TENM1: variants seen among roughly 807,000 people sequenced by gnomAD.
The protein encoded by TENM1 is teneurin transmembrane protein 1.
In TENM1, 35 loss-of-function variants were observed where a neutral mutation model predicts 174.8. The observed-to-expected ratio is 0.20, with a 90% CI of 0.15 to 0.27. The LOEUF is 0.27. TENM1 is among the 10% of genes least tolerant of loss of function. TENM1 has a pLI of 1.00. For missense variants in TENM1, 1,633 were observed against 2,130.1 expected (o/e 0.77, Z 4.59); for synonymous variants, 781 against 798.7 (o/e 0.98, Z 0.37).
intron 11 of TENM1, among the ~76,000 whole-genome samples, chrX:124,576,208 C>T (rs1251523891): frequency 9.0e-6 from 1 of 111,163 alleles, no homozygotes; most frequent in East Asian, 2.8e-4. Context: ...TACAGGTACA[C>T]ACCACCATAC....
intron 22 of TENM1, among the ~76,000 whole-genome samples, chrX:124,461,716 C>T (rs775919216): frequency 9.9e-5 from 11 of 111,036 alleles, no homozygotes; most frequent in East Asian, 5.7e-4. Flanking sequence ...TAGTCGTTAC[C>T]GGAGGCTGGG....
intron 18 of TENM1, among the ~76,000 whole-genome samples, chrX:124,513,192 A>G (rs979971759): frequency 2.7e-5 from 3 of 111,907 alleles, no homozygotes; most frequent in African/African-American, 9.7e-5. Context: ...CAGAGGCTCT[A>G]AGGGAAAATC....
At chrX:124,939,402 C>T (rs1603284543) in intron 1 of TENM1, among the ~76,000 whole-genome samples, 1 of 111,595 alleles carries the variant, frequency 9.0e-6, no homozygotes, top group East Asian at 2.8e-4. Flanking sequence ...CATGTTTCTA[C>T]TTGACCTATC....
chrX:124,693,537 T>G (rs1355222144), intron 5 of TENM1, among the ~76,000 whole-genome samples: 1 of 111,555 alleles, frequency 9.0e-6, no homozygotes, highest in Non-Finnish European at 1.9e-5. Context: ...CTTTTCTCCC[T>G]TCGTCATCAG....
intron 11 of TENM1, among the ~76,000 whole-genome samples, chrX:124,620,834 C>G (rs1051817914): frequency 6.2e-5 from 7 of 112,035 alleles, no homozygotes; most frequent in Non-Finnish European, 1.1e-4. Context: ...TTCGTCTTAT[C>G]TTATGGAAAT....
the TENM1 span, among the ~76,000 whole-genome samples, chrX:125,160,566 A>ATAG: frequency 1.9e-5 from 2 of 105,549 alleles, no homozygotes; most frequent in African/African-American, 6.9e-5. Flanking sequence ...AAAAAAAAAA[A>ATAG]AAACAGAGAG....
rs143608574 is a variant in TENM1 at position 124,672,331 on chromosome X, T to C, written c.1016-496A>G. ...GATAGTTGCTGCCGGTGTTAAAATG[T>C]AGATGCTTATTAGGGTGGGATTTGG... On this transcript the variant is annotated intron_variant, in intron 5 of 31. Coordinates refer to ENST00000422452, the Ensembl canonical transcript of TENM1. Among the ~76,000 whole-genome samples the C allele has an allele frequency of 1.6e-4, 18 of 111,563 alleles. No individual in the cohort carries two copies. The East Asian group carries it at 5.1e-3, about 31-fold the overall frequency.
At chrX:124,404,090 C>G (rs1303205200) in intron 27 of TENM1, among the ~76,000 whole-genome samples, 3 of 111,552 alleles carry the variant, frequency 2.7e-5, no homozygotes, top group African/African-American at 9.8e-5. Context: ...AGTAACTTGC[C>G]TTACTGATAA....
Position 124,732,970 on chromosome X carries a change from C to G in TENM1, c.776+3987G>C, listed in dbSNP as rs186033211. 3.7e-3 allele frequency among the ~76,000 whole-genome samples: 418 copies of G among 111,693 alleles called. 3 individuals are homozygous for G. The highest frequency in any genetic ancestry group is 4.0e-3 in the Non-Finnish European group (210 of 53,150). ...CACTGAAAAGATGTTCTCAATTACT[C>G]GAGGCAACCTGAATGTCTCTGGCTT... On this transcript the variant is annotated intron_variant, in intron 4 of 31. Coordinates refer to ENST00000422452, the Ensembl canonical transcript of TENM1.
intron 3 of TENM1, among the ~76,000 whole-genome samples, chrX:124,805,229 A>C (rs2055562700): frequency 8.9e-6 from 1 of 112,350 alleles, no homozygotes; most frequent in Admixed American, 9.4e-5. Context: ...AAAACAGATA[A>C]GGTGAGAAGA....
At chrX:124,756,973 G>T (rs1226485431) in intron 3 of TENM1, among the ~76,000 whole-genome samples, 1 of 111,719 alleles carries the variant, frequency 9.0e-6, no homozygotes, top group Non-Finnish European at 1.9e-5. Context: ...CAGTCTGCCC[G>T]TTCTCAGATC....
rs777796254 is a variant in TENM1, at chrX:124,700,122, T to G, written c.1015+4891A>C. Among the ~76,000 whole-genome samples, 4 of 112,046 alleles carry G rather than the reference T, an allele frequency of 3.6e-5. No individual in the cohort carries two copies. In the South Asian group the frequency reaches 1.5e-3, roughly 41 times the overall value. ...TAATGCATTTTAATGAAAACGTGTTTCAACCTAGATATGGCCTTCAGATAA... is the reference window on the plus strand; with the variant it reads ...TAATGCATTTTAATGAAAACGTGTTGCAACCTAGATATGGCCTTCAGATAA... On this transcript the variant is annotated intron_variant, in intron 5 of 31. Transcript: ENST00000422452.
At chrX:124,517,711 C>T (rs911124009) in intron 18 of TENM1, among the ~76,000 whole-genome samples, 12 of 107,553 alleles carry the variant, frequency 1.1e-4, no homozygotes, top group African/African-American at 4.1e-4. Flanking sequence ...AAACCTAATG[C>T]ATATGACGAG....
intron 8 of TENM1, among the ~76,000 whole-genome samples, chrX:124,648,008 T>G (rs933038611): frequency 9.0e-6 from 1 of 111,551 alleles, no homozygotes; most frequent in South Asian, 3.7e-4. Context: ...GAATTTATAA[T>G]GAGGGTCGAG....
the TENM1 span, among the ~76,000 whole-genome samples, chrX:125,176,675 T>G: frequency 3.6e-5 from 4 of 111,657 alleles, no homozygotes; most frequent in Non-Finnish European, 7.6e-5. Flanking sequence ...CATTTATCTT[T>G]CTAATAAATA....
chrX:124,870,117 C>CA (rs1245757998), intron 3 of TENM1, among the ~76,000 whole-genome samples: 1 of 111,597 alleles, frequency 9.0e-6, no homozygotes, highest in Non-Finnish European at 1.9e-5. Context: ...TATGTACCCA[C>CA]AAAAATTAAA....
intron 1 of TENM1, among the ~76,000 whole-genome samples, chrX:124,947,100 C>T (rs58337180): frequency 9.0e-6 from 1 of 111,050 alleles, no homozygotes; most frequent in Admixed American, 9.6e-5. Context: ...TTGATCTTCA[C>T]CCTAGACAGC....
chrX:125,009,226 A>C, the TENM1 span, among the ~76,000 whole-genome samples: 18 of 110,396 alleles, frequency 1.6e-4, no homozygotes, highest in African/African-American at 5.9e-4. Context: ...CCACAGAAAT[A>C]CAAACTACCA....
chrX:125,169,537 C>A, the TENM1 span, among the ~76,000 whole-genome samples: 571 of 111,576 alleles, frequency 5.1e-3, 7 homozygotes, highest in African/African-American at 0.018. Flanking sequence ...TAGTTTATAT[C>A]TGACCATCAG....
Sources: gnomAD v4.1 joint callset for allele counts (sites outside exome capture counted in the v4.1 genomes callset) on GRCh38, gnomAD v4.1.1 for gene constraint, MANE v1.5 for transcripts, NCBI Gene and HGNC (gene_info 2026-07-23, HGNC 2026-07-21) for gene names.